CTIF: variants seen among roughly 807,000 people sequenced by gnomAD.
CTIF encodes the protein CBP80/20-dependent translation initiation factor.
CTIF carries 21 observed loss-of-function variants against 66.0 expected under a neutral mutation model. That is an observed-to-expected ratio of 0.32 (90% CI 0.23 to 0.46). The LOEUF (loss-of-function observed/expected upper bound fraction) is 0.46. Ranked by LOEUF, CTIF falls within the 20% of genes least tolerant of loss-of-function variation. The pLI is 1.00. For missense variants in CTIF, 739 were observed against 812.7 expected (o/e 0.91, Z 1.10); for synonymous variants, 345 against 326.4 (o/e 1.06, Z -0.62).
intron 9 of CTIF, among the ~76,000 whole-genome samples, chr18:48,792,367 G>T (rs937917557): frequency 1.3e-5 from 2 of 152,170 alleles, no homozygotes; most frequent in Non-Finnish European, 2.9e-5. Flanking sequence ...GGCTCACAAG[G>T]ACGAGATTAG....
At chr18:48,776,877 C>T (rs1195419539) in intron 9 of CTIF, among the ~76,000 whole-genome samples, 1 of 152,238 alleles carries the variant, frequency 6.6e-6, no homozygotes, top group Non-Finnish European at 1.5e-5. Context: ...GTGCTCTGGG[C>T]TGCAGGAGAT....
intron 2 of CTIF, among the ~76,000 whole-genome samples, chr18:48,632,214 T>C (rs8091903): frequency 0.65 from 99,098 of 152,038 alleles, 33,723 homozygotes; most frequent in East Asian, 0.94. Context: ...ACAGGTTGCC[T>C]CTGGGGCTAC....
intron 1 of CTIF, among the ~76,000 whole-genome samples, chr18:48,614,467 A>C (rs923243682): frequency 1.3e-5 from 2 of 152,226 alleles, no homozygotes; most frequent in African/African-American, 2.4e-5. Flanking sequence ...CCATCAGTGG[A>C]TGAATGGATA....
chr18:48,711,635 C>G lies in CTIF; in HGVS notation c.524C>G (p.Pro175Arg). 6.2e-7 allele frequency: 1 copy of G among 1,614,070 alleles called. No homozygotes were observed. ...LPAWQGYHPM[P>R]HEVEIAHTKK... ...ATGACACAGGGCTACCACCCGATGCCCCATGAAGTGGAGATCGCACACACC... is the reference window on the plus strand; with the variant it reads ...ATGACACAGGGCTACCACCCGATGCGCCATGAAGTGGAGATCGCACACACC... The change falls in exon 7 of 12, where the codon CCC becomes CGC. Residue 175 changes from proline to arginine, a missense_variant. Physicochemically the swap from Pro to Arg is moderately radical, Grantham distance 103. Coordinates refer to ENST00000256413, the MANE Select transcript of CTIF (RefSeq NM_014772.3).
At chr18:48,841,307 A>T (rs1050547285) in intron 10 of CTIF, among the ~76,000 whole-genome samples, 8 of 152,022 alleles carry the variant, frequency 5.3e-5, no homozygotes, top group Non-Finnish European at 1.0e-4. Context: ...GGGCATGGGG[A>T]GGCCCTCCTT....
chr18:48,815,128 G>T (rs1486162668), intron 9 of CTIF, among the ~76,000 whole-genome samples: 2 of 152,160 alleles, frequency 1.3e-5, no homozygotes, highest in African/African-American at 4.8e-5. Flanking sequence ...ACAAAAATGG[G>T]TAACTGTGAG....
At chr18:48,823,492 C>T (rs897931840) in intron 10 of CTIF, among the ~76,000 whole-genome samples, 13 of 152,034 alleles carry the variant, frequency 8.6e-5, no homozygotes, top group Non-Finnish European at 1.5e-4. Context: ...ATTTATTTTT[C>T]GACTCTCTAT....
chr18:48,748,166 C>T (rs551587128), intron 7 of CTIF, among the ~76,000 whole-genome samples: 1 of 152,088 alleles, frequency 6.6e-6, no homozygotes, highest in Admixed American at 6.6e-5. Flanking sequence ...GGGTCAGTCT[C>T]TTGGAGTGAA....
intron 1 of CTIF, among the ~76,000 whole-genome samples, chr18:48,584,716 T>G (rs2089730253): frequency 6.6e-6 from 1 of 152,176 alleles, no homozygotes; most frequent in South Asian, 2.1e-4. Context: ...CTGAACCCAG[T>G]CCTCTCCAAG....
intron 9 of CTIF, among the ~76,000 whole-genome samples, chr18:48,763,245 A>G (rs1465483533): frequency 6.6e-6 from 1 of 152,236 alleles, no homozygotes; most frequent in African/African-American, 2.4e-5. Flanking sequence ...GCCAGCTCCA[A>G]GTAACCCAGC....
At chr18:48,762,548 C>G (rs1870417019) in intron 9 of CTIF, among the ~76,000 whole-genome samples, 2 of 152,154 alleles carry the variant, frequency 1.3e-5, no homozygotes, top group South Asian at 4.1e-4. Context: ...AGCCATGTCT[C>G]CTTTCCTCCT....
chr18:48,733,993 A>T (rs1298194343), intron 7 of CTIF, among the ~76,000 whole-genome samples: 2 of 152,234 alleles, frequency 1.3e-5, no homozygotes, highest in East Asian at 1.9e-4. Context: ...AATAAAAGGG[A>T]TATTTGAAAA....
intron 10 of CTIF, among the ~76,000 whole-genome samples, chr18:48,842,739 G>A (rs1436101293): frequency 2.6e-5 from 4 of 152,258 alleles, no homozygotes; most frequent in African/African-American, 9.6e-5. Context: ...ACCTTCCGTT[G>A]ATGTGGGTTT....
chr18:48,551,665 G>C (rs898573803), intron 1 of CTIF, among the ~76,000 whole-genome samples: 1 of 152,200 alleles, frequency 6.6e-6, no homozygotes, highest in Non-Finnish European at 1.5e-5. Flanking sequence ...GGGAAGCCAG[G>C]CTAGAAACCC....
At chr18:48,650,948 A>G (rs2091144803) in intron 3 of CTIF, among the ~76,000 whole-genome samples, 1 of 152,208 alleles carries the variant, frequency 6.6e-6, no homozygotes, top group African/African-American at 2.4e-5. Flanking sequence ...AAATGCTGAG[A>G]GATTTTGTCA....
intron 9 of CTIF, among the ~76,000 whole-genome samples, chr18:48,784,306 G>A (rs1284710059): frequency 4.6e-5 from 7 of 152,198 alleles, no homozygotes; most frequent in African/African-American, 9.7e-5. Flanking sequence ...ACAAAGAAAC[G>A]TGCAGAAGGG....
chr18:48,612,814 G>A (rs1358065813), intron 1 of CTIF, among the ~76,000 whole-genome samples: 2 of 152,144 alleles, frequency 1.3e-5, no homozygotes, highest in Non-Finnish European at 2.9e-5. Context: ...CCCCTGCAGC[G>A]GGCCTGGGTT....
At chr18:48,763,466 G>A (rs766082707) in intron 9 of CTIF, among the ~76,000 whole-genome samples, 29 of 152,354 alleles carry the variant, frequency 1.9e-4, no homozygotes, top group East Asian at 5.8e-4. Context: ...CAACCACAAC[G>A]TGCACTGGTT....
intron 3 of CTIF, among the ~76,000 whole-genome samples, chr18:48,655,437 C>A (rs1419609609): frequency 6.6e-6 from 1 of 152,194 alleles, no homozygotes; most frequent in Non-Finnish European, 1.5e-5. Flanking sequence ...TGTCCCACAG[C>A]TAGCTCCCCA....
Sources: gnomAD v4.1 joint callset for allele counts (sites outside exome capture counted in the v4.1 genomes callset) on GRCh38, gnomAD v4.1.1 for gene constraint, MANE v1.5 for transcripts, NCBI Gene and HGNC (gene_info 2026-07-23, HGNC 2026-07-21) for gene names.